Variants in PTPN13 observed in about 807,000 individuals in gnomAD.
PTPN13 encodes protein tyrosine phosphatase non-receptor type 13.
Under a neutral mutation model 284.0 loss-of-function variants are expected in PTPN13, and 191 were observed. That is an observed-to-expected ratio of 0.67 (90% CI 0.60 to 0.76). The LOEUF (loss-of-function observed/expected upper bound fraction) is 0.76, where lower values mean the gene tolerates loss of function less well. PTPN13 is among the 30% of genes least tolerant of loss of function. PTPN13 has a pLI of 0.00. For synonymous variants in PTPN13, 986 were observed against 1,022.3 expected, an observed-to-expected ratio of 0.96 and a Z score of 0.68; for missense variants, 2,797 against 2,939.9, an observed-to-expected ratio of 0.95 and a Z score of 1.12.
At chr4:86,804,095 C>T (rs1029737080) in intron 43 of PTPN13, among the ~76,000 whole-genome samples, 2 of 151,448 alleles carry the variant, frequency 1.3e-5, no homozygotes, top group Non-Finnish European at 2.9e-5. Flanking sequence ...ATTATCCTTC[C>T]TGCCTCATAG....
intron 1 of PTPN13, among the ~76,000 whole-genome samples, chr4:86,632,942 A>G (rs935172446): frequency 6.6e-6 from 1 of 151,924 alleles, no homozygotes; most frequent in East Asian, 1.9e-4. Context: ...CTTAATAGGT[A>G]GGACTACAGT....
At chr4:86,662,417 C>T (rs1482269374) in intron 2 of PTPN13, among the ~76,000 whole-genome samples, 2 of 152,200 alleles carry the variant, frequency 1.3e-5, no homozygotes, top group African/African-American at 2.4e-5. Context: ...CTGTAACCCC[C>T]GCCTCCCAAG....
chr4:86,758,679 A>T lies in PTPN13; in HGVS notation c.3315A>T (p.Gly1105=). The T allele has an allele frequency of 6.2e-7, 1 of 1,610,252 alleles. No homozygotes were observed. The highest frequency in any genetic ancestry group is 1.7e-4 in the Middle Eastern group (1 of 6,052). ...NLKKDAKYGL[G]FQIIGGEKMG... Reference sequence around the variant, plus strand: ...TTTTTAAAATGTGTTATTTTACAGGATTTCAAATTATTGGTGGGGAGAAGA... The same window carrying T: ...TTTTTAAAATGTGTTATTTTACAGGTTTTCAAATTATTGGTGGGGAGAAGA... Residue 1105 remains glycine (G), a splice_region_variant and synonymous_variant, in exon 22 of 48, where the codon GGA becomes GGT. Transcript: ENST00000411767.
chr4:86,780,126 C>T (rs535693617), intron 35 of PTPN13, among the ~76,000 whole-genome samples: 5 of 152,182 alleles, frequency 3.3e-5, no homozygotes, highest in East Asian at 1.9e-4. Flanking sequence ...GGGCCAGTCA[C>T]GGTGGCTCAC....
intron 4 of PTPN13, 98 bp from the exon 5 acceptor site, chr4:86,688,907 G>GT: frequency 1.1e-6 from 1 of 919,468 alleles, no homozygotes; most frequent in East Asian, 2.6e-5. Context: ...TGTGAAGTGT[G>GT]TTTTAGTGTG....
rs543620604 is a variant in PTPN13 at position 86,643,351 on chromosome 4, A to G, written c.115+7980A>G. On this transcript the variant is annotated intron_variant, in intron 2 of 47. Coordinates refer to ENST00000411767, the MANE Select transcript of PTPN13 (RefSeq NM_080683.3). ...ATTCTTTGAAAGACAAATTTGGATC[A>G]GATTGTAGAGAACAGCTTATATAAT... Among the ~76,000 whole-genome samples, 345 of 152,348 alleles carry G rather than the reference A, an allele frequency of 2.3e-3. 1 individual carries two copies. Among genetic ancestry groups the G allele is most frequent in the Non-Finnish European group, 4.1e-3 (280 of 68,024 alleles).
chr4:86,618,193 C>A (rs1249607955), intron 1 of PTPN13, among the ~76,000 whole-genome samples: 1 of 152,134 alleles, frequency 6.6e-6, no homozygotes, highest in East Asian at 1.9e-4. Flanking sequence ...AATCGTTTCC[C>A]CATTTCTTGT....
At chr4:86,717,852 T>G (rs1325201834) in intron 9 of PTPN13, among the ~76,000 whole-genome samples, 1 of 152,216 alleles carries the variant, frequency 6.6e-6, no homozygotes, top group East Asian at 1.9e-4. Context: ...AGTAACCTAT[T>G]ATGTAAAAGG....
chr4:86,809,361 A>T (rs924121081), intron 45 of PTPN13, among the ~76,000 whole-genome samples: 1 of 152,128 alleles, frequency 6.6e-6, no homozygotes, highest in Non-Finnish European at 1.5e-5. Flanking sequence ...CTTTGATCTG[A>T]TCCTATAGAC....
chr4:86,725,561 A>G (rs1268291865), intron 10 of PTPN13, among the ~76,000 whole-genome samples: 2 of 149,570 alleles, frequency 1.3e-5, no homozygotes, highest in Non-Finnish European at 3.0e-5. Flanking sequence ...CATTTCTCTG[A>G]TGACCAGTGA....
intron 1 of PTPN13, among the ~76,000 whole-genome samples, chr4:86,597,728 T>C (rs547003848): frequency 1.3e-5 from 2 of 152,236 alleles, no homozygotes; most frequent in Non-Finnish European, 2.9e-5. Context: ...CTGTCACTAA[T>C]AGTAAGGCAG....
chr4:86,769,775 C>T lies in PTPN13; in HGVS notation c.4496C>T (p.Thr1499Ile). 1 of 1,583,896 alleles carries T rather than the reference C, an allele frequency of 6.3e-7. No individual in the cohort carries two copies. Among genetic ancestry groups the T allele is most frequent in the Non-Finnish European group, 8.6e-7 (1 of 1,163,140 alleles). Residue 1499 changes from threonine to isoleucine, a missense_variant, in exon 29 of 48, where the codon ACA becomes ATA. Physicochemically the swap from Thr to Ile is moderately conservative, Grantham distance 89. Transcript: ENST00000411767. ...KDYSFVTEEN[T>I]FEVKLFKNSS... ...TTTATATCTTTTTCTCCAGAAAATA[C>T]ATTTGAGGTAAAATTATTTAAAAAT...
intron 42 of PTPN13, among the ~76,000 whole-genome samples, chr4:86,802,440 C>G (rs929251363): frequency 2.0e-5 from 3 of 152,012 alleles, no homozygotes; most frequent in Admixed American, 1.3e-4. Flanking sequence ...TGATAAACCC[C>G]TTATCAAAAA....
At chr4:86,798,229 A>G (rs1408360599) in intron 41 of PTPN13, among the ~76,000 whole-genome samples, 2 of 152,226 alleles carry the variant, frequency 1.3e-5, no homozygotes, top group Non-Finnish European at 2.9e-5. Context: ...GAGCAGGAAC[A>G]TAGTCACACA....
intron 42 of PTPN13, 131 bp from the exon 43 acceptor site, chr4:86,803,578 A>G: frequency 2.0e-6 from 2 of 995,202 alleles, no homozygotes; most frequent in South Asian, 1.6e-5. Flanking sequence ...AGGCGACAGA[A>G]CAAGATTCTA....
intron 24 of PTPN13, among the ~76,000 whole-genome samples, chr4:86,763,534 G>T (rs908168618): frequency 6.6e-6 from 1 of 152,144 alleles, no homozygotes; most frequent in Non-Finnish European, 1.5e-5. Flanking sequence ...TAAATAGTTC[G>T]TATAATGGGC....
chr4:86,761,958 G>A (rs1738743987), intron 23 of PTPN13, among the ~76,000 whole-genome samples: 1 of 151,994 alleles, frequency 6.6e-6, no homozygotes, highest in Non-Finnish European at 1.5e-5. Flanking sequence ...TCTTCAGAAA[G>A]CTTTTTCAAG....
Position 86,758,368 on chromosome 4 carries a change from C to T in PTPN13, c.3313+19C>T, listed in dbSNP as rs1349630639. 1.9e-6 allele frequency: 3 copies of T among 1,552,764 alleles called. No individual in the cohort carries two copies. The highest frequency in any genetic ancestry group is 2.7e-6 in the Non-Finnish European group (3 of 1,128,608). On this transcript the variant is annotated intron_variant, in intron 21 of 47. Coordinates refer to ENST00000411767, the MANE Select transcript of PTPN13 (RefSeq NM_080683.3). Reference sequence around the variant, plus strand: ...GGCTTGGGTAAGTCACCGTGAGATTCTTGAAGGTCTATGATTGTTGGGGAT... The same window carrying T: ...GGCTTGGGTAAGTCACCGTGAGATTTTTGAAGGTCTATGATTGTTGGGGAT...
At chr4:86,616,449 G>A (rs1469274434) in intron 1 of PTPN13, among the ~76,000 whole-genome samples, 1 of 148,822 alleles carries the variant, frequency 6.7e-6, no homozygotes, top group Non-Finnish European at 1.5e-5. Context: ...AGTTGATATA[G>A]TTTAGATGTT....
Sources: gnomAD v4.1 joint callset for allele counts (sites outside exome capture counted in the v4.1 genomes callset) on GRCh38, gnomAD v4.1.1 for gene constraint, MANE v1.5 for transcripts, NCBI Gene and HGNC (gene_info 2026-07-23, HGNC 2026-07-21) for gene names.